Variants in SUSD1 observed in about 807,000 individuals in gnomAD.
The protein encoded by SUSD1 is sushi domain containing 1.
SUSD1 carries 65 observed loss-of-function variants against 86.9 expected under a neutral mutation model. The ratio of observed to expected loss-of-function variants is 0.75; its 90% CI spans 0.61 to 0.92. The LOEUF (loss-of-function observed/expected upper bound fraction) is 0.92, where lower values mean the gene tolerates loss of function less well. SUSD1 is among the 40% of genes least tolerant of loss of function. The pLI is 0.00. For synonymous variants in SUSD1, 346 were observed against 350.0 expected, an observed-to-expected ratio of 0.99 and a Z score of 0.13; for missense variants, 850 against 929.7, an observed-to-expected ratio of 0.91 and a Z score of 1.11.
intron 10 of SUSD1, among the ~76,000 whole-genome samples, chr9:112,084,554 G>A (rs1188730076): frequency 2.6e-5 from 4 of 152,022 alleles, no homozygotes; most frequent in African/African-American, 4.8e-5. Flanking sequence ...AGTTCCACCC[G>A]GGTCAGGGAG....
At chr9:112,052,571 A>G in intron 14 of SUSD1, 133 bp from the exon 15 acceptor site, 2 of 969,846 alleles carry the variant, frequency 2.1e-6, no homozygotes, top group Non-Finnish European at 3.2e-6. Context: ...TTAAAGTCCA[A>G]TCTAGCTCTA....
chr9:112,165,993 G>GAAAGAAAGAAAGAAAGAAAGAAAGAA (rs1342453688), intron 1 of SUSD1, among the ~76,000 whole-genome samples: 1 of 151,148 alleles, frequency 6.6e-6, no homozygotes. Context: ...AAGAAAGAAA[G>GAAAGAAAGAAAGAAAGAAAGAAAGAA]AAAATAATTT....
chr9:112,142,159 C>G (rs1007426794), intron 5 of SUSD1, among the ~76,000 whole-genome samples, 161 bp downstream of exon 5: 8 of 151,780 alleles, frequency 5.3e-5, no homozygotes, highest in African/African-American at 1.9e-4. Context: ...TGATACTATT[C>G]CTGAAAAATC....
At chr9:112,164,101 T>C (rs535630473) in intron 1 of SUSD1, among the ~76,000 whole-genome samples, 5 of 152,120 alleles carry the variant, frequency 3.3e-5, no homozygotes, top group Admixed American at 3.3e-4. Context: ...ATAAAAAATA[T>C]GAAGAAGAAA....
intron 10 of SUSD1, among the ~76,000 whole-genome samples, chr9:112,087,013 A>G (rs949601421): frequency 8.0e-5 from 12 of 149,920 alleles, no homozygotes; most frequent in Non-Finnish European, 1.8e-4. Flanking sequence ...TATATAATAT[A>G]CATATAAAAT....
chr9:112,161,306 G>A (rs1416079805), intron 1 of SUSD1, among the ~76,000 whole-genome samples: 4 of 151,922 alleles, frequency 2.6e-5, no homozygotes, highest in Admixed American at 2.6e-4. Flanking sequence ...CTTGAACCCT[G>A]GAGGCAGAGG....
intron 1 of SUSD1, among the ~76,000 whole-genome samples, chr9:112,173,000 C>A (rs1564363850): frequency 6.6e-6 from 1 of 152,198 alleles, no homozygotes; most frequent in Non-Finnish European, 1.5e-5. Context: ...CCCCCAAAAC[C>A]TTTAGTTACA....
At chr9:112,074,043 C>T (rs531652939) in intron 12 of SUSD1, among the ~76,000 whole-genome samples, 5 of 152,118 alleles carry the variant, frequency 3.3e-5, no homozygotes, top group African/African-American at 4.8e-5. Flanking sequence ...ATGGTGAAAC[C>T]CCATCTCTAC....
intron 15 of SUSD1, chr9:112,052,117 A>C: frequency 7.3e-7 from 1 of 1,367,766 alleles, no homozygotes; most frequent in Non-Finnish European, 9.4e-7. Flanking sequence ...TTAGAAACAG[A>C]GAACTGAAAC....
chr9:112,050,376 T>A (rs1828137376), intron 15 of SUSD1, among the ~76,000 whole-genome samples: 1 of 152,094 alleles, frequency 6.6e-6, no homozygotes, highest in South Asian at 2.1e-4. Flanking sequence ...CTTGTTGCAG[T>A]TGGTTTGAGC....
intron 8 of SUSD1, among the ~76,000 whole-genome samples, chr9:112,106,965 T>C (rs368024593): frequency 6.6e-6 from 1 of 151,188 alleles, no homozygotes; most frequent in Admixed American, 6.6e-5. Flanking sequence ...CAAAGTAGCA[T>C]TAAAAAGGGA....
intron 1 of SUSD1, among the ~76,000 whole-genome samples, chr9:112,165,828 GAAAGAGAA>G (rs1434971573): frequency 0.01 from 1,400 of 138,982 alleles, 26 homozygotes; most frequent in African/African-American, 0.035. Flanking sequence ...AAGAAAGAAA[GAAAGAGAA>G]AGAAAGAAAG....
intron 6 of SUSD1, among the ~76,000 whole-genome samples, chr9:112,120,457 A>T (rs1831506752): frequency 6.6e-6 from 1 of 152,208 alleles, no homozygotes; most frequent in Non-Finnish European, 1.5e-5. Context: ...AGCCTCTCCT[A>T]CCTACCCACC....
chr9:112,154,932 T>A (rs1833227570), intron 2 of SUSD1, among the ~76,000 whole-genome samples: 1 of 152,056 alleles, frequency 6.6e-6, no homozygotes, highest in East Asian at 1.9e-4. Flanking sequence ...TTTCTGCCCA[T>A]TAAGAGGAGT....
chr9:112,090,168 G>C (rs1350319755), intron 10 of SUSD1, among the ~76,000 whole-genome samples: 1 of 152,136 alleles, frequency 6.6e-6, no homozygotes, highest in Non-Finnish European at 1.5e-5. Context: ...AAGATAAAGG[G>C]AGAAATGATC....
intron 1 of SUSD1, among the ~76,000 whole-genome samples, chr9:112,172,196 C>CA (rs11332622): frequency 1.9e-3 from 269 of 140,368 alleles, no homozygotes; most frequent in South Asian, 7.0e-3. Flanking sequence ...GAGACTGTCT[C>CA]AAAAAAAAAA....
At chr9:112,059,121 C>T (rs1469581083) in intron 13 of SUSD1, among the ~76,000 whole-genome samples, 1 of 152,118 alleles carries the variant, frequency 6.6e-6, no homozygotes, top group African/African-American at 2.4e-5. Flanking sequence ...GCACTGGAGA[C>T]ACGACACTAG....
Position 112,170,340 on chromosome 9 carries a change from G to A in SUSD1, c.103+4793C>T, listed in dbSNP as rs532448098. ...TGAAATGCATGATGAGTGAAGTCAGGTGACCTTTGTATACAGCAAGAACAA... is the reference window on the plus strand; with the variant it reads ...TGAAATGCATGATGAGTGAAGTCAGATGACCTTTGTATACAGCAAGAACAA... On this transcript the variant is annotated intron_variant, in intron 1 of 16. Coordinates refer to ENST00000374270, the MANE Select transcript of SUSD1 (RefSeq NM_022486.5). Among the ~76,000 whole-genome samples the A allele has an allele frequency of 3.3e-5, 5 of 152,206 alleles. No homozygotes were observed. In the East Asian group the frequency reaches 9.7e-4, roughly 30 times the overall value.
intron 1 of SUSD1, among the ~76,000 whole-genome samples, chr9:112,160,289 A>G (rs1253034220): frequency 3.3e-5 from 5 of 152,230 alleles, no homozygotes; most frequent in Non-Finnish European, 7.3e-5. Flanking sequence ...CACGCCTGTA[A>G]TCTCAGCACT....
Sources: gnomAD v4.1 joint callset for allele counts (sites outside exome capture counted in the v4.1 genomes callset) on GRCh38, gnomAD v4.1.1 for gene constraint, MANE v1.5 for transcripts, NCBI Gene and HGNC (gene_info 2026-07-23, HGNC 2026-07-21) for gene names.